The following TARS2 variants were observed in gnomAD, a reference collection of about 807,000 sequenced individuals.
TARS2 encodes threonyl-tRNA synthetase 2, mitochondrial, also known as threonine--tRNA ligase, mitochondrial.
A neutral mutation model predicts 94.4 loss-of-function variants in TARS2; 61 were observed. The ratio of observed to expected loss-of-function variants is 0.65; its 90% CI spans 0.53 to 0.80. The LOEUF (loss-of-function observed/expected upper bound fraction) is 0.80. Ranked by LOEUF, TARS2 falls within the 30% of genes least tolerant of loss-of-function variation. The probability of loss-of-function intolerance (pLI) is 0.00; values close to 1 mark genes in which losing one functional copy is unlikely to be tolerated. For synonymous variants in TARS2, 359 were observed against 353.4 expected (o/e 1.02, Z -0.18); for missense variants, 704 against 902.5 (o/e 0.78, Z 2.82).
chr1:150,495,291 G>A (rs587614064), intron 7 of TARS2, among the ~76,000 whole-genome samples: 1 of 151,854 alleles, frequency 6.6e-6, no homozygotes, highest in East Asian at 2.0e-4. Context: ...CTTGCAGTGA[G>A]CCGAGATCGC....
At chr1:150,493,713 A>C (rs1416631084) in intron 7 of TARS2, among the ~76,000 whole-genome samples, 1 of 151,810 alleles carries the variant, frequency 6.6e-6, no homozygotes, top group Non-Finnish European at 1.5e-5. Flanking sequence ...AGATCGTGCC[A>C]TTGCACTCTA....
At chr1:150,504,782 A>T (rs1304298909) in intron 15 of TARS2, 49 bp downstream of exon 15, 3 of 1,610,222 alleles carry the variant, frequency 1.9e-6, no homozygotes, top group Non-Finnish European at 2.5e-6. Flanking sequence ...CCGGATAGTT[A>T]TGCTCCAGAT....
chr1:150,494,489 C>T lies in TARS2; in HGVS notation c.775-1993C>T, dbSNP rs187991166. Among the ~76,000 whole-genome samples, 544 of 151,370 alleles carry T rather than the reference C, an allele frequency of 3.6e-3. 4 individuals are homozygous for T. The highest frequency in any genetic ancestry group is 0.012 in the African/African-American group (502 of 41,220). The stretch of plus-strand genomic sequence containing the variant: ...GTGCGGTGGTTCACACGTGTAATCC[C>T]AACACTTTGGGAGGCCAAGTTGGGC... On this transcript the variant is annotated intron_variant, in intron 7 of 17. Coordinates refer to ENST00000369064, the MANE Select transcript of TARS2 (RefSeq NM_025150.5).
chr1:150,489,934 T>C (rs1415689194), intron 3 of TARS2, among the ~76,000 whole-genome samples: 1 of 151,794 alleles, frequency 6.6e-6, no homozygotes, highest in Non-Finnish European at 1.5e-5. Context: ...AGAGCGAGAC[T>C]CCGTCTCAAA....
chr1:150,498,345 T>C (rs1446893031), intron 10 of TARS2, among the ~76,000 whole-genome samples, 157 bp from the exon 11 acceptor site: 1 of 152,182 alleles, frequency 6.6e-6, no homozygotes, highest in Non-Finnish European at 1.5e-5. Flanking sequence ...CAGACTGTGA[T>C]GAGTGGGATT....
In TARS2 at chr1:150,487,817, G is replaced by A. The variant is rs749880827; in HGVS notation, c.67-41G>A. On this transcript the variant is annotated intron_variant, in intron 1 of 17. Coordinates refer to ENST00000369064, the MANE Select transcript of TARS2 (RefSeq NM_025150.5). The stretch of plus-strand genomic sequence containing the variant: ...ATCATCTGCAATTCTAAGAAAGAAT[G>A]ATGGGACGTGTGTTACCTGCTAATA... 5.7e-6 allele frequency: 9 copies of A among 1,589,994 alleles called. No individual in the cohort carries two copies. In the African/African-American group the frequency reaches 1.1e-4, roughly 19 times the overall value.
At chr1:150,500,867 G>A (rs1199480216) in intron 13 of TARS2, among the ~76,000 whole-genome samples, 6 of 152,256 alleles carry the variant, frequency 3.9e-5, no homozygotes, top group Admixed American at 3.3e-4. Flanking sequence ...ATGCTATGAT[G>A]AGAGGAAGTC....
In TARS2 at chr1:150,499,004, G is replaced by A; in HGVS notation, c.1509G>A (p.Gly503=). The A allele has an allele frequency of 9.3e-6, 15 of 1,614,114 alleles. No homozygotes were observed. The highest frequency in any genetic ancestry group is 1.3e-5 in the Non-Finnish European group (15 of 1,180,026). ...CCACCCGGCCATCTGGCTTCCTGGG[G>A]GACCCTTGCCTTTGGGACCAGGCCG... ...ALSTRPSGFL[G]DPCLWDQAEQ... is the part of the protein sequence containing the mutation. The change falls in exon 12 of 18, where the codon GGG becomes GGA. Residue 503 remains glycine, a synonymous_variant. Transcript: ENST00000369064.
intron 3 of TARS2, among the ~76,000 whole-genome samples, chr1:150,489,597 A>G (rs1669290446): frequency 6.6e-6 from 1 of 152,166 alleles, no homozygotes. Flanking sequence ...ACAGAAAAAA[A>G]TAGGACTAAA....
At position 150,487,524 on chromosome 1, in the gene TARS2, A is replaced by C; in HGVS notation, c.66+8A>C. 1 of 1,614,208 alleles carries C rather than the reference A, an allele frequency of 6.2e-7. No individual in the cohort carries two copies. Among genetic ancestry groups the C allele is most frequent in the Non-Finnish European group, 8.5e-7 (1 of 1,180,034 alleles). On this transcript the variant is annotated splice_region_variant and intron_variant, in intron 1 of 17. Transcript: ENST00000369064. The stretch of plus-strand genomic sequence containing the variant: ...GCTTGCAGGCTACACACGGTGCGTG[A>C]GGCACCCCCAAAGCTCCGATCCGCA...
rs1042740553 is a variant in TARS2, at chr1:150,507,049, C to G, written c.2142C>G (p.Ala714=). The G allele has an allele frequency of 6.2e-7, 1 of 1,614,062 alleles. No homozygotes were observed. ...TACAGAACACGAGGGTCCCAAATGC[C>G]GAAGAAATTTTCTGAGCCTTTGTAC... is the stretch of plus-strand genomic sequence containing the variant. ...VELQNTRVPN[A]EEIF is the part of the protein sequence containing the mutation. Residue 714 remains alanine, a synonymous_variant, in exon 18 of 18, where the codon GCC becomes GCG. Transcript: ENST00000369064.
chr1:150,492,684 C>T (rs943619909), intron 7 of TARS2, among the ~76,000 whole-genome samples, 195 bp downstream of exon 7: 37 of 151,532 alleles, frequency 2.4e-4, no homozygotes, highest in African/African-American at 9.0e-4. Flanking sequence ...GTGGCACACA[C>T]CTGTAGTCCT....
At position 150,491,317 on chromosome 1, in the gene TARS2, C is replaced by T. The variant is rs966043645; in HGVS notation, c.513-77C>T. ...TTCTCTTGAAGGACAGGACCTTACC[C>T]GCTAGCCAACAGGTGTGTCACCCAG... On this transcript the variant is annotated intron_variant, in intron 4 of 17. Coordinates refer to ENST00000369064, the MANE Select transcript of TARS2 (RefSeq NM_025150.5). 4.2e-5 allele frequency: 60 copies of T among 1,438,300 alleles called. No homozygotes were observed. The East Asian group carries it at 1.0e-3, about 24-fold the overall frequency. 89.1% of individuals were successfully genotyped at this position (1,438,300 alleles called of 1,614,324 possible).
rs587652229 is a variant in TARS2 at position 150,491,401 on chromosome 1, C to A, written c.520C>A (p.Arg174=). ...CAATTCTCCTCTTTCCAGGACAATC[C>A]GGGGCTCAGAGCTGCCTGTTTTGGA... is the stretch of plus-strand genomic sequence containing the variant. ...DFFLGKERTI[R]GSELPVLERI... is the part of the protein sequence containing the mutation. The change falls in exon 5 of 18, where the codon CGG becomes AGG. Residue 174 remains arginine, a synonymous_variant. Coordinates refer to ENST00000369064, the MANE Select transcript of TARS2 (RefSeq NM_025150.5). The A allele has an allele frequency of 1.9e-6, 3 of 1,612,816 alleles. No homozygotes were observed. Among genetic ancestry groups the A allele is most frequent in the Non-Finnish European group, 2.5e-6 (3 of 1,180,024 alleles).
rs1670101706 is a variant in TARS2 at position 150,504,445 on chromosome 1, C to T, written c.1718+10C>T. The T allele has an allele frequency of 1.9e-6, 3 of 1,613,552 alleles. No individual in the cohort carries two copies. In the African/African-American group the frequency reaches 4.0e-5, roughly 22 times the overall value. ...ACCTCCAGTATAAGGGGTATAAAAC[C>T]TTGCCCTATCCTCTTTTCCCTTGAC... On this transcript the variant is annotated intron_variant, in intron 14 of 17. Transcript: ENST00000369064.
intron 7 of TARS2, among the ~76,000 whole-genome samples, chr1:150,495,086 G>A (rs1043082612): frequency 2.6e-5 from 4 of 152,006 alleles, no homozygotes; most frequent in African/African-American, 9.7e-5. Context: ...GGCTGAGGCA[G>A]GAGAATGGCG....
chr1:150,506,787 G>A lies in TARS2; in HGVS notation c.2009-129G>A, dbSNP rs587692644. The stretch of plus-strand genomic sequence containing the variant: ...AGACACAGCTGAATACTTCCTTTCT[G>A]TGAACCATATCTGGGCTCTGCTCCC... On this transcript the variant is annotated intron_variant, in intron 17 of 17. Transcript: ENST00000369064. The A allele has an allele frequency of 7.6e-5, 94 of 1,242,528 alleles. No homozygotes were observed. In the African/African-American group the frequency reaches 1.4e-3, roughly 19 times the overall value. The allele number at this position is 1,242,528 out of a possible 1,614,324, so 77.0% of individuals were successfully genotyped here. A position where few individuals can be genotyped will look rare whatever the true frequency, so the allele number is the denominator to read the frequency against.
intron 17 of TARS2, among the ~76,000 whole-genome samples, chr1:150,506,483 C>T (rs906817375): frequency 6.1e-5 from 3 of 49,366 alleles, no homozygotes; most frequent in African/African-American, 1.2e-4. Context: ...CAGACACGCG[C>T]GCGCACACAC....
rs118092521 is a variant in TARS2 at position 150,504,239 on chromosome 1, G to T, written c.1618-96G>T. On this transcript the variant is annotated intron_variant, in intron 13 of 17. Transcript: ENST00000369064. ...GATGAAGGTAGTAGCCCGGGATGAG[G>T]GTAGGTTAAAGGGTGGGATGGCACA... The T allele has an allele frequency of 1.1e-4, 124 of 1,153,558 alleles. No homozygotes were observed. In the East Asian group the frequency reaches 3.0e-3, roughly 28 times the overall value. The allele number at this position is 1,153,558 out of a possible 1,614,324, so 71.5% of individuals were successfully genotyped here.
Sources: gnomAD v4.1 joint callset for allele counts (sites outside exome capture counted in the v4.1 genomes callset) on GRCh38, gnomAD v4.1.1 for gene constraint, MANE v1.5 for transcripts, NCBI Gene and HGNC (gene_info 2026-07-23, HGNC 2026-07-21) for gene names.